Variants in RAPGEF5 observed in about 807,000 individuals in gnomAD.
RAPGEF5 encodes the protein M-Ras-regulated GEF.
A neutral mutation model predicts 125.2 loss-of-function variants in RAPGEF5; 65 were observed. That is an observed-to-expected ratio of 0.52 (90% CI 0.43 to 0.64). The LOEUF (loss-of-function observed/expected upper bound fraction) is 0.64. RAPGEF5 is among the 30% of genes least tolerant of loss of function. The probability of loss-of-function intolerance (pLI) is 0.00; values close to 1 mark genes in which losing one functional copy is unlikely to be tolerated. For synonymous variants in RAPGEF5, 391 were observed against 385.9 expected, an observed-to-expected ratio of 1.01 and a Z score of -0.16; for missense variants, 958 against 1,048.1, an observed-to-expected ratio of 0.91 and a Z score of 1.19.
At chr7:22,155,176 T>C (rs188168193) in intron 16 of RAPGEF5, among the ~76,000 whole-genome samples, 1 of 152,342 alleles carries the variant, frequency 6.6e-6, no homozygotes, top group African/African-American at 2.4e-5. Context: ...TAAGAATGAC[T>C]CCATTTCTCC....
intron 1 of RAPGEF5, among the ~76,000 whole-genome samples, chr7:22,351,690 A>G (rs1177033413): frequency 1.3e-5 from 2 of 152,242 alleles, no homozygotes. Flanking sequence ...TTAGCCATTG[A>G]TTTCAATTTA....
In RAPGEF5 at chr7:22,220,003, G is replaced by C. The variant is rs751430517; in HGVS notation, c.871-12C>G. On this transcript the variant is annotated splice_polypyrimidine_tract_variant and intron_variant, in intron 8 of 25. Transcript: ENST00000665637. ...CACATCACCCCTGCCTTAAGAGTTG[G>C]AGAAAAAGCGAAGATATACTTAAAA... is the stretch of plus-strand genomic sequence containing the variant. 1 of 1,612,754 alleles carries C rather than the reference G, an allele frequency of 6.2e-7. No individual in the cohort carries two copies.
At chr7:22,256,656 A>C (rs1454583990) in intron 7 of RAPGEF5, among the ~76,000 whole-genome samples, 1 of 152,228 alleles carries the variant, frequency 6.6e-6, no homozygotes, top group Non-Finnish European at 1.5e-5. Flanking sequence ...TACCACTATG[A>C]GATTTCTGGC....
chr7:22,248,403 C>A (rs1240189104), intron 7 of RAPGEF5, among the ~76,000 whole-genome samples: 1 of 152,132 alleles, frequency 6.6e-6, no homozygotes, highest in East Asian at 1.9e-4. Context: ...AGTGATGAAG[C>A]TGAGAACTAG....
intron 7 of RAPGEF5, among the ~76,000 whole-genome samples, chr7:22,248,428 C>T (rs1418989038): frequency 1.3e-5 from 2 of 152,054 alleles, no homozygotes; most frequent in African/African-American, 2.4e-5. Flanking sequence ...GTGAGGTGCC[C>T]GATGTCCAAA....
chr7:22,169,027 A>G (rs1309412542), intron 11 of RAPGEF5, among the ~76,000 whole-genome samples: 2 of 152,214 alleles, frequency 1.3e-5, no homozygotes, highest in African/African-American at 4.8e-5. Flanking sequence ...TCACACTGCA[A>G]TATGTTAGCA....
intron 11 of RAPGEF5, among the ~76,000 whole-genome samples, chr7:22,169,818 T>A (rs1784289407): frequency 8.1e-6 from 1 of 123,062 alleles, no homozygotes; most frequent in South Asian, 2.8e-4. Context: ...CAAGATCATG[T>A]CACTGCCCTC....
intron 11 of RAPGEF5, among the ~76,000 whole-genome samples, chr7:22,179,747 A>G (rs1416312879): frequency 6.6e-6 from 1 of 152,204 alleles, no homozygotes; most frequent in African/African-American, 2.4e-5. Context: ...TGCTCATCAC[A>G]TGCTAATTAT....
chr7:22,124,474 T>C (rs1415906871), intron 25 of RAPGEF5, among the ~76,000 whole-genome samples: 2 of 152,206 alleles, frequency 1.3e-5, no homozygotes, highest in African/African-American at 4.8e-5. Flanking sequence ...ATAAGTCTCC[T>C]TTTCAAAGAG....
At position 22,193,963 on chromosome 7, in the gene RAPGEF5, T is replaced by C. The variant is rs749173779; in HGVS notation, c.1067A>G (p.Gln356Arg). 4 of 1,613,818 alleles carry C rather than the reference T, an allele frequency of 2.5e-6. No individual in the cohort carries two copies. Among genetic ancestry groups the C allele is most frequent in the Non-Finnish European group, 2.5e-6 (3 of 1,179,878 alleles). The change falls in exon 10 of 26, where the codon CAG becomes CGG. Residue 356 changes from glutamine to arginine, a missense_variant. Coordinates refer to ENST00000665637, the MANE Select transcript of RAPGEF5 (RefSeq NM_012294.5). ...AGCTGTGGGGGCTGGGCCACAGCAC[T>C]GCACTTTCTTCAGCACCAGGACGCT... ...DQSVLVLKKVQCCGPAPTAGS... is the reference protein window; with the variant it reads ...DQSVLVLKKVRCCGPAPTAGS...
At chr7:22,240,919 G>T (rs1786315301) in intron 7 of RAPGEF5, among the ~76,000 whole-genome samples, 1 of 152,190 alleles carries the variant, frequency 6.6e-6, no homozygotes, top group Non-Finnish European at 1.5e-5. Context: ...CTATGTGTCA[G>T]TACAAAGCTC....
intron 11 of RAPGEF5, among the ~76,000 whole-genome samples, chr7:22,188,681 G>A (rs930884061): frequency 9.9e-5 from 15 of 150,902 alleles, no homozygotes; most frequent in Admixed American, 4.0e-4. Context: ...CAGGAGAATC[G>A]CTTGAACTTG....
In RAPGEF5 at chr7:22,119,009, G is replaced by A. The variant is rs17146268; in HGVS notation, c.*3397C>T. On this transcript the variant is annotated 3_prime_UTR_variant, in exon 26 of 26. Coordinates refer to ENST00000665637, the MANE Select transcript of RAPGEF5 (RefSeq NM_012294.5). This position sits in a 1 kb window ranked among gnomAD's most constrained non-coding sequence, Gnocchi z 4.1. Reference sequence around the variant, plus strand: ...AAGAAATCCTGTGTTGGACCACTGCGGAAGACCCGATCGTCCCCATTTTAA... The same window carrying A: ...AAGAAATCCTGTGTTGGACCACTGCAGAAGACCCGATCGTCCCCATTTTAA... The A allele has an allele frequency of 0.086, 13,044 of 151,046 alleles. 879 individuals are homozygous for A. The highest frequency in any genetic ancestry group is 0.2 in the African/African-American group (8,105 of 41,148). The allele number at this position is 151,046 out of a possible 1,614,324, so 9.4% of individuals were successfully genotyped here. A position where few individuals can be genotyped will look rare whatever the true frequency, so the allele number is the denominator to read the frequency against.
At chr7:22,316,236 G>A (rs2128154595) in intron 2 of RAPGEF5, among the ~76,000 whole-genome samples, 1 of 151,542 alleles carries the variant, frequency 6.6e-6, no homozygotes, top group East Asian at 1.9e-4. Context: ...CAAGCAAAGG[G>A]GGCTAAATGA....
At chr7:22,232,816 C>T (rs1209814762) in intron 7 of RAPGEF5, among the ~76,000 whole-genome samples, 5 of 152,220 alleles carry the variant, frequency 3.3e-5, no homozygotes, top group African/African-American at 1.2e-4. Flanking sequence ...CAAAACTGCA[C>T]TGCTTGACTA....
chr7:22,298,611 C>G (rs1783123004), intron 5 of RAPGEF5: 2 of 152,098 alleles, frequency 1.3e-5, no homozygotes, highest in Non-Finnish European at 2.9e-5. Flanking sequence ...GTCATACAAC[C>G]CTGAAGGTGC....
intron 5 of RAPGEF5, among the ~76,000 whole-genome samples, chr7:22,296,191 A>G (rs1456012329): frequency 6.6e-6 from 1 of 152,216 alleles, no homozygotes; most frequent in Non-Finnish European, 1.5e-5. Flanking sequence ...ACTGACCTCT[A>G]CTGTGTTTAG....
intron 7 of RAPGEF5, among the ~76,000 whole-genome samples, chr7:22,257,552 G>A (rs111818735): frequency 0.032 from 4,825 of 152,218 alleles, 110 homozygotes; most frequent in African/African-American, 0.055. Context: ...GCCCAGCTAG[G>A]GTTTGATAAA....
intron 23 of RAPGEF5, 65 bp from the exon 24 acceptor site, chr7:22,131,166 G>C (rs1170148941): frequency 1.4e-6 from 2 of 1,455,388 alleles, no homozygotes. Flanking sequence ...GGGCTGAAGA[G>C]GTCTAGGTAC....
Sources: gnomAD v4.1 joint callset for allele counts (sites outside exome capture counted in the v4.1 genomes callset) on GRCh38, gnomAD v4.1.1 for gene constraint, Gnocchi (gnomAD v3.1) non-coding constraint, MANE v1.5 for transcripts, NCBI Gene and HGNC (gene_info 2026-07-23, HGNC 2026-07-21) for gene names.